Variants in KIF6 observed in about 807,000 individuals in gnomAD.
KIF6 encodes the protein kinesin family member 6.
KIF6 carries 106 observed loss-of-function variants against 112.7 expected under a neutral mutation model. The observed-to-expected ratio is 0.94, with a 90% confidence interval of 0.80 to 1.11. The LOEUF is 1.11. Ranked by LOEUF, KIF6 falls within the 50% of genes least tolerant of loss-of-function variation. The probability of loss-of-function intolerance (pLI) is 0.00; values close to 1 mark genes in which losing one functional copy is unlikely to be tolerated. For synonymous variants in KIF6, 339 were observed against 339.9 expected (o/e 1.00, Z 0.03); for missense variants, 929 against 964.0 (o/e 0.96, Z 0.48).
chr6:39,346,169 C>CTCTCTCTCTCTCTCTCTCTCTCTCTCTCT (rs1763789974), intron 20 of KIF6, among the ~76,000 whole-genome samples: 2 of 142,826 alleles, frequency 1.4e-5, no homozygotes, highest in African/African-American at 2.6e-5. Flanking sequence ...CTCTTTCTCT[C>CTCTCTCTCTCTCTCTCTCTCTCTCTCTCT]CTATGTGAGC....
intron 7 of KIF6, among the ~76,000 whole-genome samples, chr6:39,592,251 A>G (rs1042595402): frequency 9.8e-5 from 15 of 152,350 alleles, no homozygotes; most frequent in African/African-American, 1.9e-4. Context: ...CATTATGCTT[A>G]ATAATATCTC....
intron 13 of KIF6, among the ~76,000 whole-genome samples, chr6:39,525,979 A>G (rs1777703643): frequency 6.6e-6 from 1 of 152,202 alleles, no homozygotes; most frequent in African/African-American, 2.4e-5. Flanking sequence ...AACAATGCTC[A>G]TTTGTTTTGT....
rs545602522 is a variant in KIF6 at position 39,523,137 on chromosome 6, A to C, written c.1645+16866T>G. On this transcript the variant is annotated intron_variant, in intron 13 of 22. Coordinates refer to ENST00000287152, the MANE Select transcript of KIF6 (RefSeq NM_145027.6). The stretch of plus-strand genomic sequence containing the variant: ...GGCACTGTATCCACTCAGAAACCTG[A>C]GTGTAATCCTAGGTTATTCATCTTA... 4.6e-5 allele frequency among the ~76,000 whole-genome samples: 7 copies of C among 152,230 alleles called. No individual in the cohort carries two copies. In the South Asian group the frequency reaches 1.5e-3, roughly 32 times the overall value.
chr6:39,338,208 G>C (rs1244075136), intron 22 of KIF6, among the ~76,000 whole-genome samples: 2 of 152,212 alleles, frequency 1.3e-5, no homozygotes, highest in East Asian at 3.9e-4. Flanking sequence ...TGAGGGGTGA[G>C]GCTGCTCAGG....
intron 13 of KIF6, among the ~76,000 whole-genome samples, chr6:39,439,780 C>A (rs1366272039): frequency 6.6e-6 from 1 of 152,090 alleles, no homozygotes; most frequent in Non-Finnish European, 1.5e-5. Flanking sequence ...CTCCCCATCC[C>A]CAACACAGGG....
chr6:39,538,371 A>G (rs1778571630), intron 13 of KIF6, among the ~76,000 whole-genome samples: 2 of 151,892 alleles, frequency 1.3e-5, no homozygotes, highest in African/African-American at 4.8e-5. Flanking sequence ...AATTTACAAG[A>G]AAAAAACAAA....
At chr6:39,509,507 T>A (rs1012758035) in intron 13 of KIF6, among the ~76,000 whole-genome samples, 32 of 152,288 alleles carry the variant, frequency 2.1e-4, no homozygotes, top group African/African-American at 4.8e-4. Flanking sequence ...AATGGCTAAC[T>A]AGAATAGCCA....
Position 39,663,738 on chromosome 6 carries a change from C to A in KIF6, c.252-23981G>T, listed in dbSNP as rs754899310. Among the ~76,000 whole-genome samples, 74 of 151,914 alleles carry A rather than the reference C, an allele frequency of 4.9e-4. 1 individual carries two copies. Among genetic ancestry groups the A allele is most frequent in the Admixed American group, 7.9e-4 (12 of 15,258 alleles). On this transcript the variant is annotated intron_variant, in intron 3 of 22. Transcript: ENST00000287152. ...AGTAAGTTAAAAAAAATAGATAAAT[C>A]TAAAGAAGTAATTGCCTTTTGTTAA...
chr6:39,528,512 T>C (rs112337533), intron 13 of KIF6, among the ~76,000 whole-genome samples: 301 of 152,342 alleles, frequency 2.0e-3, no homozygotes, highest in African/African-American at 6.0e-3. Flanking sequence ...CTGGATCATA[T>C]AGTAATTCTA....
intron 13 of KIF6, among the ~76,000 whole-genome samples, chr6:39,533,075 G>A (rs573864064): frequency 1.1e-4 from 17 of 152,352 alleles, no homozygotes; most frequent in Non-Finnish European, 2.1e-4. Flanking sequence ...AGCTCCCAGC[G>A]TGAGCGACGC....
chr6:39,407,034 G>A (rs1463856527), intron 15 of KIF6, among the ~76,000 whole-genome samples: 3 of 152,124 alleles, frequency 2.0e-5, no homozygotes, highest in African/African-American at 7.2e-5. Context: ...AGGATTACAG[G>A]CATGAGCCAC....
chr6:39,591,587 G>A (rs931245715), intron 7 of KIF6, among the ~76,000 whole-genome samples: 6 of 152,288 alleles, frequency 3.9e-5, no homozygotes, highest in South Asian at 4.1e-4. Flanking sequence ...GTCCTGGGCC[G>A]TTTCTTTAGA....
At chr6:39,337,917 A>G (rs1763119611) in intron 22 of KIF6, among the ~76,000 whole-genome samples, 1 of 152,194 alleles carries the variant, frequency 6.6e-6, no homozygotes, top group South Asian at 2.1e-4. Flanking sequence ...CTTGCTTCAC[A>G]AAATGTGGTC....
At chr6:39,662,901 TTCTC>T (rs1167441775) in intron 3 of KIF6, among the ~76,000 whole-genome samples, 6 of 152,006 alleles carry the variant, frequency 3.9e-5, no homozygotes, top group East Asian at 3.9e-4. Flanking sequence ...TTTTCTTCTT[TTCTC>T]TCTCTCTTTT....
At chr6:39,705,241 C>G (rs185038247) in intron 3 of KIF6, among the ~76,000 whole-genome samples, 3 of 152,290 alleles carry the variant, frequency 2.0e-5, no homozygotes, top group East Asian at 3.9e-4. Flanking sequence ...TTCAATAGGT[C>G]TGGGTGAGGC....
At chr6:39,338,341 A>G (rs1034106804) in intron 22 of KIF6, among the ~76,000 whole-genome samples, 4 of 152,204 alleles carry the variant, frequency 2.6e-5, no homozygotes, top group African/African-American at 9.7e-5. Context: ...TTGGTGATAC[A>G]TTGAATGGCC....
chr6:39,548,648 C>T (rs1046431313), intron 10 of KIF6, among the ~76,000 whole-genome samples: 1 of 152,176 alleles, frequency 6.6e-6, no homozygotes, highest in Non-Finnish European at 1.5e-5. Flanking sequence ...TCGTTGTACT[C>T]CTCTAGTAGT....
At chr6:39,716,862 C>G (rs1386384086) in intron 2 of KIF6, among the ~76,000 whole-genome samples, 4 of 152,178 alleles carry the variant, frequency 2.6e-5, no homozygotes, top group Non-Finnish European at 5.9e-5. Context: ...ACAGCTCTAT[C>G]CCTCTAAATG....
chr6:39,718,269 G>T (rs1043197516), intron 2 of KIF6, among the ~76,000 whole-genome samples: 14 of 150,908 alleles, frequency 9.3e-5, no homozygotes, highest in Non-Finnish European at 1.6e-4. Flanking sequence ...CTTTGGATAG[G>T]GTCCATAGAT....
Sources: allele counts gnomAD v4.1 joint callset (sites outside exome capture counted in the v4.1 genomes callset), GRCh38; gene constraint gnomAD v4.1.1; transcripts MANE v1.5; gene names NCBI Gene and HGNC (gene_info 2026-07-23, HGNC 2026-07-21).